The following CHST1 variants were observed in gnomAD, a reference collection of about 807,000 sequenced individuals.
CHST1 encodes Keratan sulfotransferase.
Under a neutral mutation model 22.5 loss-of-function variants are expected in CHST1, and 10 were observed. The ratio of observed to expected loss-of-function variants is 0.44; its 90% CI spans 0.27 to 0.75. The LOEUF (loss-of-function observed/expected upper bound fraction) is 0.75. Ranked by LOEUF, CHST1 falls within the 30% of genes least tolerant of loss-of-function variation. The probability of loss-of-function intolerance (pLI) is 0.15; values close to 1 mark genes in which losing one functional copy is unlikely to be tolerated. For synonymous variants in CHST1, 267 were observed against 264.5 expected, an observed-to-expected ratio of 1.01 and a Z score of -0.09; for missense variants, 439 against 576.1, an observed-to-expected ratio of 0.76 and a Z score of 2.44.
chr11:45,649,677 C>T lies in CHST1; in HGVS notation c.*11G>A, dbSNP rs762437838. Reference sequence around the variant, plus strand: ...ACCTTGCGCCTCCCGCCCCCACCCGCACCGCCCGGGTCACGAGAAGGGGCG... The same window carrying T: ...ACCTTGCGCCTCCCGCCCCCACCCGTACCGCCCGGGTCACGAGAAGGGGCG... On this transcript the variant is annotated 3_prime_UTR_variant, in exon 4 of 4. Coordinates refer to ENST00000308064, the MANE Select transcript of CHST1 (RefSeq NM_003654.6). 2 of 1,541,114 alleles carry T rather than the reference C, an allele frequency of 1.3e-6. No individual in the cohort carries two copies. Among genetic ancestry groups the T allele is most frequent in the East Asian group, 2.3e-5 (1 of 44,236 alleles).
intron 1 of CHST1, among the ~76,000 whole-genome samples, chr11:45,655,354 C>T (rs767678326): frequency 3.9e-5 from 6 of 152,250 alleles, no homozygotes; most frequent in Non-Finnish European, 7.3e-5. Context: ...CTCTGCCCAC[C>T]GCCCCTTCTT....
At chr11:45,663,280 C>T (rs555442661) in intron 1 of CHST1, among the ~76,000 whole-genome samples, 1 of 152,262 alleles carries the variant, frequency 6.6e-6, no homozygotes, top group East Asian at 1.9e-4. Context: ...ACTCCTCCTC[C>T]GATGCGGCCT....
rs577196189 is a variant in CHST1 at position 45,654,235 on chromosome 11, A to G, written c.-226-1629T>C. Among the ~76,000 whole-genome samples the G allele has an allele frequency of 4.6e-5, 7 of 152,098 alleles. No homozygotes were observed. The South Asian group carries it at 6.3e-4, about 14-fold the overall frequency. On this transcript the variant is annotated intron_variant, in intron 1 of 3. Transcript: ENST00000308064. ...CATCCACCCAGAGAAACTTAAGGCC[A>G]GGACTGGAAGCTGCTGCTTTGCTAA...
chr11:45,647,843 G>C lies in CHST1; in HGVS notation c.*1845C>G, dbSNP rs1851937121. On this transcript the variant is annotated 3_prime_UTR_variant, in exon 4 of 4. Transcript: ENST00000308064. ...CCACTATTAGTTAAGGCATTTGCTA[G>C]AGCTGTTGAACTGTCTACATCCTCC... is the stretch of plus-strand genomic sequence containing the variant. 6.6e-6 allele frequency among the ~76,000 whole-genome samples: 1 copy of C among 152,222 alleles called. No individual in the cohort carries two copies. Among genetic ancestry groups the C allele is most frequent in the Non-Finnish European group, 1.5e-5 (1 of 68,048 alleles).
intron 1 of CHST1, among the ~76,000 whole-genome samples, chr11:45,657,063 G>A (rs1049043668): frequency 7.9e-5 from 12 of 152,124 alleles, no homozygotes; most frequent in African/African-American, 2.9e-4. Context: ...ACAAACTCAG[G>A]AGCCATGATG....
chr11:45,651,689 A>T (rs558464057), intron 3 of CHST1: 1 of 152,452 alleles, frequency 6.6e-6, no homozygotes, highest in South Asian at 2.1e-4. Context: ...GTCTCTAGGG[A>T]CAAGGGTCCA....
intron 3 of CHST1, 40 bp from the exon 4 acceptor site, chr11:45,651,005 C>G (rs897802008): frequency 7.0e-7 from 1 of 1,419,588 alleles, no homozygotes; most frequent in Non-Finnish European, 9.4e-7. Flanking sequence ...GCCTCCACGG[C>G]GGGGGCACTG....
intron 1 of CHST1, among the ~76,000 whole-genome samples, chr11:45,660,030 A>C (rs767520749): frequency 2.0e-5 from 3 of 152,200 alleles, no homozygotes; most frequent in Non-Finnish European, 2.9e-5. Context: ...CACTGGGCAT[A>C]TGGCCAACCA....
intron 1 of CHST1, among the ~76,000 whole-genome samples, chr11:45,657,671 A>G (rs1299194521): frequency 6.6e-6 from 1 of 152,124 alleles, no homozygotes; most frequent in African/African-American, 2.4e-5. Flanking sequence ...ACACAATCCA[A>G]CCAGTGCAAC....
intron 3 of CHST1, chr11:45,651,575 T>G (rs1852000217): frequency 6.6e-6 from 1 of 152,280 alleles, no homozygotes; most frequent in African/African-American, 2.4e-5. Flanking sequence ...ACTCCAGATG[T>G]AGACTTCTGG....
chr11:45,660,002 A>G (rs1001063246), intron 1 of CHST1, among the ~76,000 whole-genome samples: 1 of 152,120 alleles, frequency 6.6e-6, no homozygotes, highest in Non-Finnish European at 1.5e-5. Flanking sequence ...GAGCATTAGG[A>G]GGGGCCACAG....
intron 1 of CHST1, among the ~76,000 whole-genome samples, chr11:45,663,565 G>C (rs1224018178): frequency 6.6e-6 from 1 of 152,168 alleles, no homozygotes; most frequent in Non-Finnish European, 1.5e-5. Flanking sequence ...GGGGAAGCCG[G>C]GTGTTGAGTG....
intron 1 of CHST1, among the ~76,000 whole-genome samples, chr11:45,664,947 G>T (rs1397530639): frequency 2.0e-5 from 3 of 152,166 alleles, no homozygotes; most frequent in Non-Finnish European, 2.9e-5. Context: ...CTCCTCGAAT[G>T]GGGGCAGGGA....
At chr11:45,663,449 G>A (rs1256966732) in intron 1 of CHST1, among the ~76,000 whole-genome samples, 1 of 152,226 alleles carries the variant, frequency 6.6e-6, no homozygotes, top group African/African-American at 2.4e-5. Context: ...ACAGAGGGAA[G>A]CTTGACTTTG....
Position 45,650,183 on chromosome 11 carries a change from G to C in CHST1, c.741C>G (p.Phe247Leu). The C allele has an allele frequency of 1.9e-6, 3 of 1,612,756 alleles. No homozygotes were observed. Among genetic ancestry groups the C allele is most frequent in the Non-Finnish European group, 2.5e-6 (3 of 1,180,014 alleles). Residue 247 changes from phenylalanine (F) to leucine (L), a missense_variant, in exon 4 of 4, where the codon TTC becomes TTG. Transcript: ENST00000308064. ...RGILASRSETFRDTYRLWRLW... is the reference protein window; with the variant it reads ...RGILASRSETLRDTYRLWRLW... ...GCCGCCAGAGCCGGTACGTGTCGCGGAAGGTCTCGCTGCGCGAAGCCAGAA... is the reference window on the plus strand; with the variant it reads ...GCCGCCAGAGCCGGTACGTGTCGCGCAAGGTCTCGCTGCGCGAAGCCAGAA...
chr11:45,663,244 C>T (rs1446608513), intron 1 of CHST1, among the ~76,000 whole-genome samples: 1 of 152,182 alleles, frequency 6.6e-6, no homozygotes, highest in Non-Finnish European at 1.5e-5. Flanking sequence ...TGAGCCCCTC[C>T]TGCAGACTCA....
chr11:45,663,623 A>G (rs1852162057), intron 1 of CHST1, among the ~76,000 whole-genome samples: 1 of 152,002 alleles, frequency 6.6e-6, no homozygotes, highest in Non-Finnish European at 1.5e-5. Context: ...GACCCAGCAG[A>G]GTTTGGGGGA....
rs368682727 is a variant in CHST1 at position 45,650,659 on chromosome 11, G to A, written c.265C>T (p.Leu89=). 16 of 1,614,138 alleles carry A rather than the reference G, an allele frequency of 9.9e-6. No homozygotes were observed. Among genetic ancestry groups the A allele is most frequent in the Admixed American group, 8.3e-5 (5 of 60,032 alleles). ...TGGACGTGGTAGAGGGGCTCAAACA[G>A]GTAGAAGACGTCCAGGTGCTGGTTG... ...LFNQHLDVFY[L]FEPLYHVQNT... is the part of the protein sequence containing the mutation. The change falls in exon 4 of 4, where the codon CTG becomes TTG. Residue 89 remains leucine (L), a synonymous_variant. Coordinates refer to ENST00000308064, the MANE Select transcript of CHST1 (RefSeq NM_003654.6).
intron 1 of CHST1, among the ~76,000 whole-genome samples, chr11:45,654,188 T>G (rs891240884): frequency 1.3e-4 from 20 of 152,210 alleles, no homozygotes; most frequent in African/African-American, 4.8e-4. Context: ...GGGGGCCGTT[T>G]AAGTTTCTTC....
Sources: allele counts gnomAD v4.1 joint callset (sites outside exome capture counted in the v4.1 genomes callset), GRCh38; gene constraint gnomAD v4.1.1; transcripts MANE v1.5; gene names NCBI Gene and HGNC (gene_info 2026-07-23, HGNC 2026-07-21).